CTNNBL1: variants seen among roughly 807,000 people sequenced by gnomAD.
CTNNBL1 encodes the protein catenin beta like 1, also known as beta-catenin-like protein 1.
A neutral mutation model predicts 72.7 loss-of-function variants in CTNNBL1; 31 were observed. That is an observed-to-expected ratio of 0.43 (90% CI 0.32 to 0.58). CTNNBL1 has a LOEUF of 0.58. Among genes scored for constraint, CTNNBL1 ranks in the 20% least tolerant of loss-of-function variants. The probability of loss-of-function intolerance (pLI) is 0.08; values close to 1 mark genes in which losing one functional copy is unlikely to be tolerated. For synonymous variants in CTNNBL1, 240 were observed against 267.3 expected (o/e 0.90, Z 1.00); for missense variants, 534 against 725.1 (o/e 0.74, Z 3.03).
chr20:37,851,061 A>G (rs4811210), intron 13 of CTNNBL1, among the ~76,000 whole-genome samples: 124,145 of 152,136 alleles, frequency 0.82, 50,712 homozygotes, highest in Middle Eastern at 0.89. Flanking sequence ...AACATTTAAA[A>G]TGAGTAAGTG....
Position 37,725,598 on chromosome 20 carries a change from C to CT in CTNNBL1, c.31-7281_31-7280insT, listed in dbSNP as rs398088611. Among the ~76,000 whole-genome samples the CT allele has an allele frequency of 1.1e-3, 158 of 150,326 alleles. 1 individual carries two copies. In the East Asian group the frequency reaches 0.022, roughly 21 times the overall value. On this transcript the variant is annotated intron_variant, in intron 1 of 15. Transcript: ENST00000361383. ...ACAGGCATGAGCCACTGCGCCCAGC[C>CT]GCCTCTTTGATTTCTTAATCAAGTA... is the stretch of plus-strand genomic sequence containing the variant.
intron 5 of CTNNBL1, among the ~76,000 whole-genome samples, chr20:37,761,025 A>G (rs533712630): frequency 2.0e-5 from 3 of 152,248 alleles, no homozygotes; most frequent in East Asian, 1.9e-4. Context: ...TAATGATAAT[A>G]CAAGGCAGAA....
intron 10 of CTNNBL1, among the ~76,000 whole-genome samples, chr20:37,785,920 T>C (rs1008165132): frequency 2.0e-5 from 3 of 152,206 alleles, no homozygotes; most frequent in African/African-American, 7.2e-5. Context: ...GTCTTGGGTG[T>C]TGTGATTTAA....
At chr20:37,817,108 T>TAAG (rs1340271012) in intron 11 of CTNNBL1, among the ~76,000 whole-genome samples, 1 of 152,184 alleles carries the variant, frequency 6.6e-6, no homozygotes, top group Non-Finnish European at 1.5e-5. Flanking sequence ...CCAAATAAGT[T>TAAG]AAGTACTTTT....
At chr20:37,767,142 T>G (rs887716635) in intron 6 of CTNNBL1, among the ~76,000 whole-genome samples, 5 of 152,126 alleles carry the variant, frequency 3.3e-5, no homozygotes, top group African/African-American at 1.2e-4. Flanking sequence ...CTGGGTATTG[T>G]GTTTAGGGAA....
At chr20:37,783,554 G>C (rs1416899394) in intron 10 of CTNNBL1, among the ~76,000 whole-genome samples, 1 of 152,084 alleles carries the variant, frequency 6.6e-6, no homozygotes, top group Non-Finnish European at 1.5e-5. Context: ...ATTTTGGTAT[G>C]TTGTGTTTCC....
chr20:37,811,140 C>T (rs1472351659), intron 11 of CTNNBL1, among the ~76,000 whole-genome samples: 2 of 152,096 alleles, frequency 1.3e-5, no homozygotes, highest in Admixed American at 6.5e-5. Flanking sequence ...GTCCTAGAGG[C>T]GGGCTGTAAA....
intron 1 of CTNNBL1, among the ~76,000 whole-genome samples, chr20:37,718,583 G>A (rs527800992): frequency 7.7e-4 from 114 of 148,518 alleles, no homozygotes; most frequent in African/African-American, 2.4e-3. Flanking sequence ...ATGGCCGGGC[G>A]GGGGGCTGAC....
At chr20:37,749,422 G>T (rs2073298012) in intron 4 of CTNNBL1, among the ~76,000 whole-genome samples, 1 of 152,274 alleles carries the variant, frequency 6.6e-6, no homozygotes, top group South Asian at 2.1e-4. Flanking sequence ...ATTTGGGAAA[G>T]GCAAGGGCAC....
intron 1 of CTNNBL1, among the ~76,000 whole-genome samples, chr20:37,697,391 G>C (rs1352062871): frequency 6.6e-6 from 1 of 152,174 alleles, no homozygotes; most frequent in Non-Finnish European, 1.5e-5. Context: ...TGTGAAGGGA[G>C]CAGAATGATG....
At chr20:37,739,267 G>A (rs141775316) in intron 3 of CTNNBL1, among the ~76,000 whole-genome samples, 29 of 152,152 alleles carry the variant, frequency 1.9e-4, no homozygotes, top group African/African-American at 6.3e-4. Flanking sequence ...TTATGCAAAT[G>A]TATTTGTTTC....
chr20:37,718,188 G>A (rs1051567620), intron 1 of CTNNBL1, among the ~76,000 whole-genome samples: 1 of 151,248 alleles, frequency 6.6e-6, no homozygotes, highest in Non-Finnish European at 1.5e-5. Context: ...GGGCGGCCGG[G>A]CAGAGGCGCC....
chr20:37,717,593 G>C (rs974998634), intron 1 of CTNNBL1, among the ~76,000 whole-genome samples: 1 of 152,050 alleles, frequency 6.6e-6, no homozygotes, highest in African/African-American at 2.4e-5. Flanking sequence ...GTGATATGAG[G>C]CAGGAATTTC....
intron 4 of CTNNBL1, among the ~76,000 whole-genome samples, chr20:37,755,830 A>C (rs1008728001): frequency 4.9e-4 from 74 of 152,308 alleles, no homozygotes; most frequent in African/African-American, 1.7e-3. Flanking sequence ...TGGCTCCCAC[A>C]ACTACCCACA....
rs1262872041 is a variant in CTNNBL1, at chr20:37,757,611, C to A, written c.519C>A (p.Thr173=). The stretch of plus-strand genomic sequence containing the variant: ...TTCAGGAATTAACAGATATAGACAC[C>A]CTCCATGAGAGTGAAGAGGGAGCAG... ...DLLQELTDID[T]LHESEEGAEV... Residue 173 remains threonine, a synonymous_variant, in exon 5 of 16, where the codon ACC becomes ACA. Transcript: ENST00000361383. 3 of 1,613,432 alleles carry A rather than the reference C, an allele frequency of 1.9e-6. No individual in the cohort carries two copies. Among genetic ancestry groups the A allele is most frequent in the Non-Finnish European group, 2.5e-6 (3 of 1,179,738 alleles).
chr20:37,782,548 G>A (rs1016167107), intron 10 of CTNNBL1, among the ~76,000 whole-genome samples: 4 of 152,164 alleles, frequency 2.6e-5, no homozygotes, highest in African/African-American at 9.7e-5. Context: ...GAAATGTAAT[G>A]TGAGATAGGT....
At chr20:37,834,896 A>G (rs1286657751) in intron 11 of CTNNBL1, among the ~76,000 whole-genome samples, 1 of 152,220 alleles carries the variant, frequency 6.6e-6, no homozygotes, top group African/African-American at 2.4e-5. Flanking sequence ...TTATTATTAT[A>G]CCCTACTTAC....
chr20:37,767,727 C>G (rs2073483375), intron 6 of CTNNBL1, among the ~76,000 whole-genome samples: 1 of 152,142 alleles, frequency 6.6e-6, no homozygotes, highest in South Asian at 2.1e-4. Flanking sequence ...TCACTTAGCT[C>G]TTTTGTGAGT....
chr20:37,864,312 T>G (rs1159925633), intron 15 of CTNNBL1, among the ~76,000 whole-genome samples: 1 of 152,004 alleles, frequency 6.6e-6, no homozygotes, highest in African/African-American at 2.4e-5. Flanking sequence ...GGTTGCTTCC[T>G]TTTTTTCTTT....
Sources: gnomAD v4.1 joint callset for allele counts (sites outside exome capture counted in the v4.1 genomes callset) on GRCh38, gnomAD v4.1.1 for gene constraint, MANE v1.5 for transcripts, NCBI Gene and HGNC (gene_info 2026-07-23, HGNC 2026-07-21) for gene names.